Variants in OCLN observed in about 807,000 individuals in gnomAD.
OCLN encodes the protein occludin.
In OCLN, 21 loss-of-function variants were observed where a neutral mutation model predicts 47.9. The ratio of observed to expected loss-of-function variants is 0.44; its 90% confidence interval spans 0.31 to 0.63. The LOEUF (loss-of-function observed/expected upper bound fraction) is 0.63, where lower values mean the gene tolerates loss of function less well. Among genes scored for constraint, OCLN ranks in the 30% least tolerant of loss-of-function variants. The pLI is 0.08. For missense variants in OCLN, 360 were observed against 571.0 expected (o/e 0.63, Z 3.77); for synonymous variants, 117 against 198.4 (o/e 0.59, Z 3.45).
chr5:69,494,148 G>GT (rs1472035509), intron 1 of OCLN, among the ~76,000 whole-genome samples: 1 of 151,972 alleles, frequency 6.6e-6, no homozygotes, highest in Non-Finnish European at 1.5e-5. Context: ...TGTAACAATA[G>GT]TAACAGTAGT....
At chr5:69,537,051 T>C (rs1383896212) in intron 5 of OCLN, among the ~76,000 whole-genome samples, 1 of 149,370 alleles carries the variant, frequency 6.7e-6, no homozygotes, top group Non-Finnish European at 1.5e-5. Flanking sequence ...TCCCAGCTAA[T>C]TGGGAGGCTG....
rs182985062 is a variant in OCLN, at chr5:69,517,165, T to C, written c.891+3056T>C. ...TCAGAAACTGACATCACAGGGTTCT[T>C]TGAGCAGATTGATTTATTGTCATGA... On this transcript the variant is annotated intron_variant, in intron 4 of 8. Transcript: ENST00000396442. Among the ~76,000 whole-genome samples the C allele has an allele frequency of 2.6e-5, 4 of 152,220 alleles. No individual in the cohort carries two copies. The South Asian group carries it at 8.3e-4, about 32-fold the overall frequency.
chr5:69,497,328 C>T (rs1768321007), intron 1 of OCLN, among the ~76,000 whole-genome samples: 1 of 151,684 alleles, frequency 6.6e-6, no homozygotes, highest in Non-Finnish European at 1.5e-5. Context: ...GTTAAGTTCT[C>T]CAGGCCAAAC....
chr5:69,528,010 G>A (rs1056848308), intron 4 of OCLN, among the ~76,000 whole-genome samples: 2 of 152,142 alleles, frequency 1.3e-5, no homozygotes, highest in Non-Finnish European at 1.5e-5. Context: ...TCTGAGCAAG[G>A]TAAAATAACC....
At chr5:69,504,911 C>T (rs1768555304) in intron 2 of OCLN, among the ~76,000 whole-genome samples, 1 of 151,602 alleles carries the variant, frequency 6.6e-6, no homozygotes, top group Non-Finnish European at 1.5e-5. Flanking sequence ...GCCGAGATCA[C>T]GCCACTGCAC....
chr5:69,511,285 G>A (rs1267073479), intron 3 of OCLN, among the ~76,000 whole-genome samples: 7 of 148,930 alleles, frequency 4.7e-5, no homozygotes, highest in South Asian at 2.1e-4. Flanking sequence ...GGGTTTCACC[G>A]TGTTAGCCAC....
At chr5:69,504,073 C>CT in intron 1 of OCLN, 104 bp from the exon 2 acceptor site, 1 of 648,510 alleles carries the variant, frequency 1.5e-6, no homozygotes, top group Middle Eastern at 2.7e-4. Flanking sequence ...GCACTCCAGC[C>CT]TGGGTGACAG....
chr5:69,511,617 T>C (rs932260412), intron 3 of OCLN, among the ~76,000 whole-genome samples: 2 of 152,126 alleles, frequency 1.3e-5, no homozygotes, highest in African/African-American at 4.8e-5. Context: ...GGTCTCACTT[T>C]GTTGCCCGGT....
At chr5:69,496,025 C>T (rs1768277767) in intron 1 of OCLN, among the ~76,000 whole-genome samples, 1 of 152,100 alleles carries the variant, frequency 6.6e-6, no homozygotes, top group Non-Finnish European at 1.5e-5. Context: ...ACAAAATCTG[C>T]CTAACTTCAA....
chr5:69,515,792 G>T (rs907171401), intron 4 of OCLN, among the ~76,000 whole-genome samples: 4 of 150,922 alleles, frequency 2.7e-5, no homozygotes, highest in Admixed American at 2.6e-4. Flanking sequence ...GGGCGGCTGG[G>T]CAGAGACGCT....
intron 4 of OCLN, among the ~76,000 whole-genome samples, chr5:69,519,325 G>T (rs1309105190): frequency 1.3e-5 from 2 of 152,158 alleles, no homozygotes; most frequent in African/African-American, 4.8e-5. Context: ...AGAGCAGAGG[G>T]TAGTCAAAAG....
intron 7 of OCLN, among the ~76,000 whole-genome samples, chr5:69,550,452 A>G (rs1265111111): frequency 4.6e-5 from 7 of 151,618 alleles, no homozygotes; most frequent in African/African-American, 1.5e-4. Context: ...TTGGCCTCCC[A>G]AAGTGCTGGA....
intron 2 of OCLN, 36 bp downstream of exon 2, chr5:69,504,330 A>AG: frequency 7.8e-7 from 1 of 1,283,914 alleles, no homozygotes; most frequent in Non-Finnish European, 1.1e-6. Context: ...CTCTTTTAAA[A>AG]AGTCTATCAC....
At chr5:69,516,634 A>G (rs1768980447) in intron 4 of OCLN, among the ~76,000 whole-genome samples, 1 of 152,256 alleles carries the variant, frequency 6.6e-6, no homozygotes, top group South Asian at 2.1e-4. Flanking sequence ...AAGACAGATT[A>G]GAAAAATTTC....
intron 4 of OCLN, among the ~76,000 whole-genome samples, chr5:69,522,213 C>T (rs1205454333): frequency 6.6e-6 from 1 of 152,074 alleles, no homozygotes; most frequent in Non-Finnish European, 1.5e-5. Flanking sequence ...AGTTTTACAC[C>T]CCCTTCAAGG....
In OCLN at chr5:69,502,169, A is replaced by C. The variant is rs371431030; in HGVS notation, c.-68-2008A>C. ...AGCTGAGATCATGCCATTGCATTCC[A>C]TCCTGGTGACAGAGCGAGACTCGGC... On this transcript the variant is annotated intron_variant, in intron 1 of 8. Coordinates refer to ENST00000396442, the MANE Select transcript of OCLN (RefSeq NM_001205254.2). Among the ~76,000 whole-genome samples the C allele has an allele frequency of 3.0e-4, 46 of 151,912 alleles. 2 individuals carry two copies. The highest frequency in any genetic ancestry group is 1.2e-3 in the East Asian group (6 of 5,178).
At chr5:69,509,892 C>A in intron 3 of OCLN, 73 bp downstream of exon 3, 1 of 1,135,276 alleles carries the variant, frequency 8.8e-7, no homozygotes, top group South Asian at 1.2e-5. Flanking sequence ...GTGATAGAAT[C>A]ACTCTGGAAA....
rs765225540 is a variant in OCLN at position 69,509,406 on chromosome 5, T to G, written c.316T>G (p.Tyr106Asp). 6 of 1,614,152 alleles carry G rather than the reference T, an allele frequency of 3.7e-6. No homozygotes were observed. In the Admixed American group the frequency reaches 8.3e-5, roughly 22 times the overall value. ...SLLGGSVGYPYGGSGFGSYGS... is the reference protein window; with the variant it reads ...SLLGGSVGYPDGGSGFGSYGS... ...TTTAGGAGGTAGTGTAGGCTACCCT[T>G]ATGGAGGAAGTGGCTTTGGTAGCTA... The change falls in exon 3 of 9, where the codon TAT becomes GAT. Residue 106 changes from tyrosine to aspartate, a missense_variant. Around this residue, in one of 3 missense-constraint regions of OCLN, gnomAD observed 314 missense variants for 368.1 expected, o/e 0.85. Coordinates refer to ENST00000396442, the MANE Select transcript of OCLN (RefSeq NM_001205254.2).
chr5:69,516,293 G>T (rs1056939513), intron 4 of OCLN, among the ~76,000 whole-genome samples: 1 of 152,250 alleles, frequency 6.6e-6, no homozygotes, highest in Admixed American at 6.5e-5. Flanking sequence ...TTCGGAGCTG[G>T]AGACCAGCCC....
Sources: gnomAD v4.1 joint callset for allele counts (sites outside exome capture counted in the v4.1 genomes callset) on GRCh38, gnomAD v4.1.1 for gene constraint, gnomAD v4.1.1 regional missense constraint, MANE v1.5 for transcripts, NCBI Gene and HGNC (gene_info 2026-07-23, HGNC 2026-07-21) for gene names.